CAST: variants seen among roughly 807,000 people sequenced by gnomAD.
CAST encodes calpastatin, also known as MIR583 host.
CAST carries 76 observed loss-of-function variants against 119.6 expected under a neutral mutation model. The observed-to-expected ratio is 0.64, with a 90% confidence interval of 0.53 to 0.77. The LOEUF is 0.77. CAST is among the 30% of genes least tolerant of loss of function. The pLI is 0.00. For synonymous variants in CAST, 319 were observed against 331.6 expected, an observed-to-expected ratio of 0.96 and a Z score of 0.41; for missense variants, 953 against 946.5, an observed-to-expected ratio of 1.01 and a Z score of -0.09.
intron 1 of CAST, among the ~76,000 whole-genome samples, chr5:96,602,271 C>A (rs1747169517): frequency 1.3e-5 from 2 of 150,652 alleles, no homozygotes; most frequent in East Asian, 3.9e-4. Context: ...GCAGTGATTG[C>A]AATGACATTT....
chr5:96,729,693 C>G lies in CAST; in HGVS notation c.517C>G (p.Gln173Glu). The G allele has an allele frequency of 6.4e-7, 1 of 1,558,916 alleles. No individual in the cohort carries two copies. The highest frequency in any genetic ancestry group is 8.9e-7 in the Non-Finnish European group (1 of 1,129,852). ...NKKAVSRSAE[Q>E]QPSEKSTEPK... Reference sequence around the variant, plus strand: ...AAAAGCAGTTTCCAGATCAGCTGAACAGCAGCCATCAGAGAAATCAACAGA... The same window carrying G: ...AAAAGCAGTTTCCAGATCAGCTGAAGAGCAGCCATCAGAGAAATCAACAGA... Residue 173 changes from glutamine (Q) to glutamate (E), a missense_variant, in exon 8 of 32, where the codon CAG becomes GAG. Coordinates refer to ENST00000675179, the MANE Select transcript of CAST (RefSeq NM_001750.7).
At chr5:96,199,874 C>T in the CAST span, among the ~76,000 whole-genome samples, 133 of 152,186 alleles carry the variant, frequency 8.7e-4, 1 homozygote, top group African/African-American at 3.1e-3. Context: ...GCATTTAGTA[C>T]AGTTTACTAT....
the CAST span, among the ~76,000 whole-genome samples, chr5:95,962,272 A>C: frequency 2.6e-5 from 4 of 152,298 alleles, no homozygotes; most frequent in African/African-American, 9.6e-5. Flanking sequence ...GGAGAGGAGG[A>C]TCTCCACCTC....
At chr5:96,465,812 C>T in the CAST span, among the ~76,000 whole-genome samples, 1 of 152,074 alleles carries the variant, frequency 6.6e-6, no homozygotes, top group Non-Finnish European at 1.5e-5. Context: ...CTAAGTTGCT[C>T]ATTATTACTG....
At chr5:96,097,290 G>A in the CAST span, among the ~76,000 whole-genome samples, 1 of 149,112 alleles carries the variant, frequency 6.7e-6, no homozygotes, top group South Asian at 2.1e-4. Context: ...GCCACACCCA[G>A]TTCTTAATTG....
chr5:96,332,442 T>A, the CAST span, among the ~76,000 whole-genome samples: 3 of 152,122 alleles, frequency 2.0e-5, no homozygotes, highest in Admixed American at 6.5e-5. Flanking sequence ...AGTAAATTTT[T>A]AAATGATAAA....
intron 1 of CAST, among the ~76,000 whole-genome samples, chr5:96,609,908 C>G (rs114749854): frequency 0.022 from 3,372 of 152,060 alleles, 129 homozygotes; most frequent in African/African-American, 0.069. Context: ...GGACTGTGGG[C>G]ATGGCATGAT....
chr5:96,383,123 A>G, the CAST span, among the ~76,000 whole-genome samples: 2 of 152,202 alleles, frequency 1.3e-5, no homozygotes, highest in African/African-American at 2.4e-5. Flanking sequence ...TGTGATAAAC[A>G]CTATGTAGAC....
chr5:95,990,199 G>C, the CAST span, among the ~76,000 whole-genome samples: 4,263 of 152,124 alleles, frequency 0.028, 72 homozygotes, highest in Non-Finnish European at 0.044. Flanking sequence ...TAGAAATGGA[G>C]TCTGGAACAC....
At chr5:96,009,465 T>C in the CAST span, among the ~76,000 whole-genome samples, 10 of 152,298 alleles carry the variant, frequency 6.6e-5, no homozygotes, top group African/African-American at 2.4e-4. Context: ...TCATCTGTTA[T>C]TTTTTGACTT....
At chr5:96,276,459 A>T in the CAST span, among the ~76,000 whole-genome samples, 1 of 152,180 alleles carries the variant, frequency 6.6e-6, no homozygotes, top group East Asian at 1.9e-4. Context: ...ACACTGAAGC[A>T]GGCTGGGGCA....
the CAST span, among the ~76,000 whole-genome samples, chr5:96,401,823 C>A: frequency 6.6e-6 from 1 of 151,990 alleles, no homozygotes; most frequent in Non-Finnish European, 1.5e-5. Context: ...TGTGTAGCAC[C>A]CAGAAGAATG....
intron 1 of CAST, among the ~76,000 whole-genome samples, chr5:96,591,497 G>A (rs1746961226): frequency 6.6e-6 from 1 of 152,092 alleles, no homozygotes; most frequent in South Asian, 2.1e-4. Context: ...GGTCTTTTTT[G>A]TCATCTGGTC....
the CAST span, among the ~76,000 whole-genome samples, chr5:96,284,341 C>A: frequency 1.3e-5 from 2 of 152,158 alleles, no homozygotes; most frequent in Admixed American, 1.3e-4. Flanking sequence ...TTTTCAGACA[C>A]CCTGAAAGTG....
the CAST span, among the ~76,000 whole-genome samples, chr5:96,322,791 A>C: frequency 1.3e-5 from 2 of 152,140 alleles, no homozygotes; most frequent in Non-Finnish European, 2.9e-5. Context: ...ACATTGCCTC[A>C]ACATATCAGA....
At chr5:96,217,558 A>G in the CAST span, among the ~76,000 whole-genome samples, 2 of 152,138 alleles carry the variant, frequency 1.3e-5, no homozygotes, top group Admixed American at 1.3e-4. Context: ...AAGGCAAATT[A>G]TGTGTTCCTG....
At chr5:96,675,053 A>G (rs951199954) in intron 1 of CAST, among the ~76,000 whole-genome samples, 8 of 152,250 alleles carry the variant, frequency 5.3e-5, no homozygotes, top group Non-Finnish European at 1.0e-4. Context: ...CATAACACAT[A>G]GAAGAAGTTG....
At chr5:96,484,001 T>C in the CAST span, among the ~76,000 whole-genome samples, 2 of 152,152 alleles carry the variant, frequency 1.3e-5, no homozygotes, top group Admixed American at 1.3e-4. Context: ...ATTCAAGCCT[T>C]ACTAGCAATT....
chr5:96,242,360 G>A, the CAST span, among the ~76,000 whole-genome samples: 2 of 151,994 alleles, frequency 1.3e-5, no homozygotes, highest in African/African-American at 2.4e-5. Context: ...CAAACTTCTG[G>A]CCTCAAGTGA....
Sources: gnomAD v4.1 joint callset for allele counts (sites outside exome capture counted in the v4.1 genomes callset) on GRCh38, gnomAD v4.1.1 for gene constraint, MANE v1.5 for transcripts, NCBI Gene and HGNC (gene_info 2026-07-23, HGNC 2026-07-21) for gene names.